ZNF502: variants seen among roughly 807,000 people sequenced by gnomAD.
ZNF502 encodes zinc finger protein 502.
A neutral mutation model predicts 43.6 loss-of-function variants in ZNF502; 29 were observed. That is an observed-to-expected ratio of 0.67 (90% CI 0.50 to 0.91). The LOEUF is 0.91. ZNF502 is among the 40% of genes least tolerant of loss of function. ZNF502 has a pLI of 0.00. For synonymous variants in ZNF502, 171 were observed against 207.4 expected (o/e 0.82, Z 1.51); for missense variants, 591 against 647.2 (o/e 0.91, Z 0.94).
At chr3:44,713,540 A>C (rs1280935878) in intron 1 of ZNF502, among the ~76,000 whole-genome samples, 4 of 152,038 alleles carry the variant, frequency 2.6e-5, no homozygotes, top group African/African-American at 9.7e-5. Flanking sequence ...TTTAATCTTC[A>C]CAACAGCGTA....
Position 44,720,942 on chromosome 3 carries a change from T to G in ZNF502, c.125T>G (p.Val42Gly), listed in dbSNP as rs746992919. 6.2e-7 allele frequency: 1 copy of G among 1,614,052 alleles called. No homozygotes were observed. The highest frequency in any genetic ancestry group is 8.5e-7 in the Non-Finnish European group (1 of 1,180,000). ...AAAATTGACTCATCAGGGATAGTAG[T>G]AAAGAGGTTCCAAGAGGATGAATAC... ...VCKIDSSGIV[V>G]KRFQEDEYQD... The change falls in exon 3 of 3, where the codon GTA becomes GGA. Residue 42 changes from valine to glycine, a missense_variant. Coordinates refer to ENST00000436624, the MANE Select transcript of ZNF502 (RefSeq NM_001134442.3).
At position 44,723,421 on chromosome 3, in the gene ZNF502, G is replaced by A. The variant is rs576625697; in HGVS notation, c.*969G>A. On this transcript the variant is annotated 3_prime_UTR_variant, in exon 3 of 3. Coordinates refer to ENST00000436624, the MANE Select transcript of ZNF502 (RefSeq NM_001134442.3). ...AGACCAGAGGAGAGAGACACACTAGGACTAACAATGTCCTAACAAAATGGT... is the reference window on the plus strand; with the variant it reads ...AGACCAGAGGAGAGAGACACACTAGAACTAACAATGTCCTAACAAAATGGT... The A allele has an allele frequency of 1.3e-5, 2 of 152,336 alleles. No individual in the cohort carries two copies. Among genetic ancestry groups the A allele is most frequent in the African/African-American group, 4.8e-5 (2 of 41,572 alleles). The allele number at this position is 152,336 out of a possible 1,614,324, so 9.4% of individuals were successfully genotyped here.
chr3:44,723,299 A>G lies in ZNF502; in HGVS notation c.*847A>G, dbSNP rs1704417646. The stretch of plus-strand genomic sequence containing the variant: ...CTAGAGTGATAAGACTCAGAACAGG[A>G]AGCCTGCATGTGACTGAGCAAGTCA... On this transcript the variant is annotated 3_prime_UTR_variant, in exon 3 of 3. Transcript: ENST00000436624. 6.6e-6 allele frequency: 1 copy of G among 152,226 alleles called. No individual in the cohort carries two copies. The highest frequency in any genetic ancestry group is 2.1e-4 in the South Asian group (1 of 4,832). The allele number at this position is 152,226 out of a possible 1,614,324, so 9.4% of individuals were successfully genotyped here.
chr3:44,712,998 ATGAATGAG>A, intron 1 of ZNF502, among the ~76,000 whole-genome samples: 1 of 152,324 alleles, frequency 6.6e-6, no homozygotes, highest in Admixed American at 6.5e-5. Flanking sequence ...GAGTGAATGA[ATGAATGAG>A]TGAATGAGTG....
intron 1 of ZNF502, among the ~76,000 whole-genome samples, chr3:44,714,428 T>C (rs9834365): frequency 0.022 from 3,334 of 152,178 alleles, 114 homozygotes; most frequent in African/African-American, 0.075. Flanking sequence ...CTGCCACTTT[T>C]TTTGGTAAAA....
At position 44,723,225 on chromosome 3, in the gene ZNF502, C is replaced by T. The variant is rs538932105; in HGVS notation, c.*773C>T. ...ACCTGTTCAGAGAACCAGGAAGACTCAATATCTATCTCAGAGGAAATATGG... is the reference window on the plus strand; with the variant it reads ...ACCTGTTCAGAGAACCAGGAAGACTTAATATCTATCTCAGAGGAAATATGG... On this transcript the variant is annotated 3_prime_UTR_variant, in exon 3 of 3. Transcript: ENST00000436624. The T allele has an allele frequency of 6.6e-6, 1 of 152,266 alleles. No individual in the cohort carries two copies. The highest frequency in any genetic ancestry group is 1.9e-4 in the East Asian group (1 of 5,176). 9.4% of individuals were successfully genotyped at this position (152,266 alleles called of 1,614,324 possible).
At position 44,722,326 on chromosome 3, in the gene ZNF502, T is replaced by G. The variant is rs770017564; in HGVS notation, c.1509T>G (p.Tyr503Ter). ...AGTGTGAGAAAACCTTCCGCAAGTATGCACACCTTAGTGAACATTACAGAA... is the reference window on the plus strand; with the variant it reads ...AGTGTGAGAAAACCTTCCGCAAGTAGGCACACCTTAGTGAACATTACAGAA... ...CSECEKTFRK[Y>*]AHLSEHYRIH... Residue 503 changes from tyrosine to a stop codon, truncating the protein, a stop_gained, in exon 3 of 3, where the codon TAT (tyrosine) becomes TAG (stop). Transcript: ENST00000436624. LOFTEE classifies it high-confidence loss of function. 1 of 1,614,202 alleles carries G rather than the reference T, an allele frequency of 6.2e-7. No homozygotes were observed. Among genetic ancestry groups the G allele is most frequent in the Non-Finnish European group, 8.5e-7 (1 of 1,180,028 alleles).
intron 1 of ZNF502, among the ~76,000 whole-genome samples, chr3:44,715,500 AAGAT>A (rs944736904): frequency 2.1e-4 from 32 of 152,356 alleles, no homozygotes; most frequent in African/African-American, 6.3e-4. Context: ...ACATTACAAA[AAGAT>A]AGGCCTTAAG....
In ZNF502 at chr3:44,723,598, A is replaced by G. The variant is rs1022419704; in HGVS notation, c.*1146A>G. 6.6e-6 allele frequency: 1 copy of G among 152,222 alleles called. No homozygotes were observed. The highest frequency in any genetic ancestry group is 2.4e-5 in the African/African-American group (1 of 41,450). 9.4% of individuals were successfully genotyped at this position (152,222 alleles called of 1,614,324 possible). A position where few individuals can be genotyped will look rare whatever the true frequency, so the allele number is the denominator to read the frequency against. On this transcript the variant is annotated 3_prime_UTR_variant, in exon 3 of 3. Transcript: ENST00000436624. ...AAAGAATCTTTTTCAAATCCCTGAA[A>G]ATCAGGATAGCACATTTTGCTACTG...
chr3:44,721,922 C>T lies in ZNF502; in HGVS notation c.1105C>T (p.His369Tyr), dbSNP rs762168162. ...TTGTCAGAGCCCATCTCTTATTAAA[C>T]ACCAGCGAATTCATACTGGAGAAAA... ...AFCQSPSLIK[H>Y]QRIHTGEKPY... The change falls in exon 3 of 3, where the codon CAC becomes TAC. Residue 369 changes from histidine (H) to tyrosine (Y), a missense_variant. Physicochemically the swap from His to Tyr is moderately conservative, Grantham distance 83 (BLOSUM62 2). Transcript: ENST00000436624. The T allele has an allele frequency of 1.2e-6, 2 of 1,614,120 alleles. No individual in the cohort carries two copies. The highest frequency in any genetic ancestry group is 8.5e-7 in the Non-Finnish European group (1 of 1,180,014).
At position 44,719,901 on chromosome 3, in the gene ZNF502, T is replaced by C. The variant is rs755663089; in HGVS notation, c.-59-302T>C. Reference sequence around the variant, plus strand: ...TACTAATTGATGTGAATATTCCTATTCGTTTAATCTTTATAATTATAAAAA... The same window carrying C: ...TACTAATTGATGTGAATATTCCTATCCGTTTAATCTTTATAATTATAAAAA... On this transcript the variant is annotated intron_variant, in intron 1 of 2. Transcript: ENST00000436624. Among the ~76,000 whole-genome samples, 13 of 152,374 alleles carry C rather than the reference T, an allele frequency of 8.5e-5. No homozygotes were observed. The South Asian group carries it at 1.7e-3, about 19-fold the overall frequency.
chr3:44,720,845 A>T, intron 2 of ZNF502, 28 bp from the exon 3 acceptor site: 3 of 1,590,532 alleles, frequency 1.9e-6, no homozygotes, highest in Non-Finnish European at 2.6e-6. Flanking sequence ...CCTGTACAGG[A>T]GATATTCATT....
At chr3:44,712,990 G>GTGAA (rs961495531) in intron 1 of ZNF502, among the ~76,000 whole-genome samples, 14 of 152,240 alleles carry the variant, frequency 9.2e-5, no homozygotes, top group Non-Finnish European at 1.3e-4. Context: ...AAATGGCGGA[G>GTGAA]TGAATGAATG....
Position 44,722,349 on chromosome 3 carries a change from G to C in ZNF502, c.1532G>C (p.Arg511Thr). ...TATGCACACCTTAGTGAACATTACA[G>C]AATTCACACTGGTGAGAAGCCTTAT... The part of the protein sequence containing the change: ...RKYAHLSEHY[R>T]IHTGEKPYEC... Residue 511 changes from arginine to threonine, a missense_variant, in exon 3 of 3, where the codon AGA becomes ACA. Coordinates refer to ENST00000436624, the MANE Select transcript of ZNF502 (RefSeq NM_001134442.3). The C allele has an allele frequency of 1.2e-6, 2 of 1,614,236 alleles. No homozygotes were observed. Among genetic ancestry groups the C allele is most frequent in the Non-Finnish European group, 1.7e-6 (2 of 1,180,032 alleles).
chr3:44,716,904 T>G (rs1704160575), intron 1 of ZNF502, among the ~76,000 whole-genome samples: 1 of 152,216 alleles, frequency 6.6e-6, no homozygotes, highest in South Asian at 2.1e-4. Context: ...CAGTTCATCT[T>G]TTTTTCTTAC....
rs763322507 is a variant in ZNF502, at chr3:44,720,288, G to A, written c.27G>A (p.Glu9=). 1.9e-6 allele frequency: 3 copies of A among 1,614,182 alleles called. No homozygotes were observed. The highest frequency in any genetic ancestry group is 8.5e-7 in the Non-Finnish European group (1 of 1,180,016). Residue 9 remains glutamate (E), a synonymous_variant, in exon 2 of 3, where the codon GAG becomes GAA. Transcript: ENST00000436624. MLNMQGAE[E]RDIRRETCPG... ...TGTTGAATATGCAAGGAGCTGAAGA[G>A]AGAGACATTAGAAGAGAGACTTGTC... is the stretch of plus-strand genomic sequence containing the variant.
At chr3:44,717,338 A>G (rs1704171366) in intron 1 of ZNF502, among the ~76,000 whole-genome samples, 1 of 142,454 alleles carries the variant, frequency 7.0e-6, no homozygotes, top group South Asian at 2.3e-4. Context: ...GAGATATTTT[A>G]TTTAATTAAT....
At chr3:44,719,234 A>G (rs1704237365) in intron 1 of ZNF502, among the ~76,000 whole-genome samples, 1 of 152,316 alleles carries the variant, frequency 6.6e-6, no homozygotes, top group African/African-American at 2.4e-5. Context: ...CAGCCTCCCA[A>G]AGTGCTGGGA....
At position 44,722,259 on chromosome 3, in the gene ZNF502, A is replaced by G. The variant is rs1489751483; in HGVS notation, c.1442A>G (p.His481Arg). The G allele has an allele frequency of 9.3e-6, 15 of 1,614,242 alleles. No individual in the cohort carries two copies. Among genetic ancestry groups the G allele is most frequent in the Non-Finnish European group, 1.3e-5 (15 of 1,180,036 alleles). The part of the protein sequence containing the change: ...AFAHSSSLTE[H>R]HRTHTGEKLY... ...GCTCATAGCTCATCTCTTACTGAAC[A>G]TCATAGAACTCACACTGGTGAGAAG... Residue 481 changes from histidine to arginine, a missense_variant, in exon 3 of 3, where the codon CAT becomes CGT. Transcript: ENST00000436624.
Sources: allele counts gnomAD v4.1 joint callset (sites outside exome capture counted in the v4.1 genomes callset), GRCh38; gene constraint gnomAD v4.1.1; transcripts MANE v1.5; gene names NCBI Gene and HGNC (gene_info 2026-07-23, HGNC 2026-07-21).